WDSUB1: variants seen among roughly 807,000 people sequenced by gnomAD.
The protein encoded by WDSUB1 is WD repeat, sterile alpha motif and U-box domain containing 1, also known as WD repeat, SAM and U-box domain-containing protein 1.
In WDSUB1, 49 loss-of-function variants were observed where a neutral mutation model predicts 53.9. The observed-to-expected ratio is 0.91, with a 90% CI of 0.72 to 1.15. WDSUB1 has a LOEUF of 1.15. WDSUB1 is among the 50% of genes most tolerant of loss of function. The probability of loss-of-function intolerance (pLI) is 0.00; values close to 1 mark genes in which losing one functional copy is unlikely to be tolerated. For synonymous variants in WDSUB1, 194 were observed against 200.6 expected (o/e 0.97, Z 0.28); for missense variants, 514 against 562.0 (o/e 0.91, Z 0.86).
chr2:159,247,088 A>G (rs970104208), intron 10 of WDSUB1, among the ~76,000 whole-genome samples: 1 of 152,214 alleles, frequency 6.6e-6, no homozygotes, highest in African/African-American at 2.4e-5. Context: ...CTTTTAATAA[A>G]TCAACTGCAA....
At chr2:159,239,330 G>GT (rs2060577366) in intron 10 of WDSUB1, among the ~76,000 whole-genome samples, 1 of 140,824 alleles carries the variant, frequency 7.1e-6, no homozygotes, top group South Asian at 2.2e-4. Flanking sequence ...ATTTGTTCTA[G>GT]TTTTTGTTAC....
chr2:159,259,735 C>G (rs2061148636), intron 6 of WDSUB1, 75 bp downstream of exon 6: 1 of 1,386,810 alleles, frequency 7.2e-7, no homozygotes, highest in Non-Finnish European at 9.7e-7. Context: ...ACTTTTTCTA[C>G]CAGGCCTAAC....
intron 3 of WDSUB1, among the ~76,000 whole-genome samples, chr2:159,276,878 A>G (rs2061552120): frequency 6.6e-6 from 1 of 152,130 alleles, no homozygotes; most frequent in Admixed American, 6.6e-5. Context: ...GGTGGCACAC[A>G]TCTGTAGTTG....
intron 10 of WDSUB1, 34 bp from the exon 11 acceptor site, chr2:159,236,224 T>A: frequency 1.3e-6 from 2 of 1,577,870 alleles, no homozygotes; most frequent in South Asian, 1.2e-5. Context: ...TTACATGATG[T>A]AGGAAAGGGA....
Position 159,236,126 on chromosome 2 carries a change from G to C in WDSUB1, c.1338C>G (p.Pro446=). 6.2e-7 allele frequency: 1 copy of C among 1,613,890 alleles called. No homozygotes were observed. ...NWISKKKRTS[P]MTNLVLPSAV... ...CTGAAGGAAGAACAAGATTTGTCAT[G>C]GGACTTGTACGTTTCTTTTTGCTGA... is the stretch of plus-strand genomic sequence containing the variant. Residue 446 remains proline, a synonymous_variant, in exon 11 of 11, where the codon CCC becomes CCG. Transcript: ENST00000359774.
intron 8 of WDSUB1, among the ~76,000 whole-genome samples, chr2:159,257,097 C>T (rs1288194052): frequency 6.6e-6 from 1 of 152,096 alleles, no homozygotes; most frequent in Non-Finnish European, 1.5e-5. Context: ...ACCTCCTGGG[C>T]TCAGGTGATC....
chr2:159,279,358 G>A (rs1424896236), intron 3 of WDSUB1, among the ~76,000 whole-genome samples: 1 of 152,174 alleles, frequency 6.6e-6, no homozygotes, highest in Admixed American at 6.5e-5. Flanking sequence ...GGAAAACACA[G>A]CTTCTATTTC....
At chr2:159,268,699 A>G (rs1477905517) in intron 5 of WDSUB1, among the ~76,000 whole-genome samples, 1 of 152,232 alleles carries the variant, frequency 6.6e-6, no homozygotes, top group Non-Finnish European at 1.5e-5. Flanking sequence ...GAAAATATAC[A>G]AAAGTATTCA....
At chr2:159,255,576 TTC>T (rs1336975599) in intron 9 of WDSUB1, among the ~76,000 whole-genome samples, 2 of 152,156 alleles carry the variant, frequency 1.3e-5, no homozygotes, top group Non-Finnish European at 2.9e-5. Context: ...CACAAAATCA[TTC>T]TGTTAACTCC....
chr2:159,256,809 A>G (rs1372488538), intron 8 of WDSUB1, among the ~76,000 whole-genome samples: 2 of 152,208 alleles, frequency 1.3e-5, no homozygotes, highest in Admixed American at 6.5e-5. Flanking sequence ...GCTTGATGCC[A>G]AAATAAAACC....
At chr2:159,261,981 A>G (rs2061238993) in intron 5 of WDSUB1, among the ~76,000 whole-genome samples, 2 of 138,456 alleles carry the variant, frequency 1.4e-5, no homozygotes, top group Admixed American at 1.5e-4. Context: ...ATTGACCTAG[A>G]GCCCAGTTCT....
At chr2:159,276,324 T>C (rs2061540770) in intron 3 of WDSUB1, among the ~76,000 whole-genome samples, 2 of 152,198 alleles carry the variant, frequency 1.3e-5, no homozygotes, top group African/African-American at 4.8e-5. Flanking sequence ...CCTCCCAAAG[T>C]GCTGGGATTA....
chr2:159,262,140 A>T (rs1164164203), intron 5 of WDSUB1, among the ~76,000 whole-genome samples: 3 of 151,648 alleles, frequency 2.0e-5, no homozygotes, highest in African/African-American at 4.8e-5. Context: ...TGGTACCACA[A>T]ATCAAAAACA....
At chr2:159,268,569 G>A (rs956266613) in intron 5 of WDSUB1, among the ~76,000 whole-genome samples, 2 of 152,186 alleles carry the variant, frequency 1.3e-5, no homozygotes, top group African/African-American at 4.8e-5. Flanking sequence ...CTAAATGGAG[G>A]TTAGGAGCCT....
Position 159,279,868 on chromosome 2 carries a change from G to A in WDSUB1, c.476C>T (p.Ser159Leu), listed in dbSNP as rs1403465691. Reference protein sequence around the residue: ...PNGSFFVTGSSCGDLTVWDDK... With the variant: ...PNGSFFVTGSLCGDLTVWDDK... ...ATCCCACACTGTTAAATCACCACAT[G>A]AGGAGCCAGTGACAAAGAAGCTTCC... is the stretch of plus-strand genomic sequence containing the variant. The change falls in exon 3 of 11, where the codon TCA becomes TTA. Residue 159 changes from serine to leucine, a missense_variant. Transcript: ENST00000359774. The A allele has an allele frequency of 1.2e-6, 2 of 1,612,506 alleles. No homozygotes were observed. Among genetic ancestry groups the A allele is most frequent in the South Asian group, 1.1e-5 (1 of 90,942 alleles).
chr2:159,259,856 T>G lies in WDSUB1; in HGVS notation c.771-13A>C, dbSNP rs753454514. Reference sequence around the variant, plus strand: ...CTTATCCACTGACCTTAAAAGAAAATAAATTATAGGTGAAAAGTTCTATAA... The same window carrying G: ...CTTATCCACTGACCTTAAAAGAAAAGAAATTATAGGTGAAAAGTTCTATAA... On this transcript the variant is annotated splice_polypyrimidine_tract_variant and intron_variant, in intron 5 of 10. Transcript: ENST00000359774. 6.6e-7 allele frequency: 1 copy of G among 1,509,498 alleles called. No individual in the cohort carries two copies. The highest frequency in any genetic ancestry group is 9.0e-7 in the Non-Finnish European group (1 of 1,112,160). The allele number at this position is 1,509,498 out of a possible 1,614,324, so 93.5% of individuals were successfully genotyped here.
chr2:159,258,166 GTACT>G (rs1311904599), intron 6 of WDSUB1, among the ~76,000 whole-genome samples, 181 bp from the exon 7 acceptor site: 6 of 152,096 alleles, frequency 3.9e-5, no homozygotes, highest in Non-Finnish European at 5.9e-5. Flanking sequence ...GCATTCTCAG[GTACT>G]TACTTCACTT....
chr2:159,251,999 C>T (rs907321009), intron 9 of WDSUB1, among the ~76,000 whole-genome samples: 1 of 152,098 alleles, frequency 6.6e-6, no homozygotes, highest in Admixed American at 6.5e-5. Context: ...GGCCAGTTAC[C>T]AAGACAGCAC....
chr2:159,245,941 A>T (rs889628333), intron 10 of WDSUB1, among the ~76,000 whole-genome samples: 2 of 38,858 alleles, frequency 5.1e-5, no homozygotes, highest in Non-Finnish European at 1.5e-4. Flanking sequence ...GGCAGGCTAC[A>T]AGACCAAGAG....
Sources: allele counts gnomAD v4.1 joint callset (sites outside exome capture counted in the v4.1 genomes callset), GRCh38; gene constraint gnomAD v4.1.1; transcripts MANE v1.5; gene names NCBI Gene and HGNC (gene_info 2026-07-23, HGNC 2026-07-21).